VWA3B: variants seen among roughly 807,000 people sequenced by gnomAD.
The protein encoded by VWA3B is von Willebrand factor A domain-containing protein 3B.
Under a neutral mutation model 158.3 loss-of-function variants are expected in VWA3B, and 138 were observed. The ratio of observed to expected loss-of-function variants is 0.87; its 90% CI spans 0.76 to 1.00. VWA3B has a LOEUF of 1.00. Among genes scored for constraint, VWA3B ranks in the 50% least tolerant of loss-of-function variants. VWA3B has a pLI of 0.00. For synonymous variants in VWA3B, 596 were observed against 587.3 expected, an observed-to-expected ratio of 1.01 and a Z score of -0.21; for missense variants, 1,555 against 1,565.1, an observed-to-expected ratio of 0.99 and a Z score of 0.11.
At chr2:98,209,259 A>C (rs1369425387) in intron 12 of VWA3B, among the ~76,000 whole-genome samples, 1 of 151,932 alleles carries the variant, frequency 6.6e-6, no homozygotes, top group Non-Finnish European at 1.5e-5. Context: ...CTGTATCTTT[A>C]ACCAAATTTG....
chr2:98,238,160 A>G (rs1248701270), intron 19 of VWA3B, among the ~76,000 whole-genome samples: 2 of 152,234 alleles, frequency 1.3e-5, no homozygotes, highest in Non-Finnish European at 1.5e-5. Context: ...ATTATCACCC[A>G]TGGAGGCTCA....
intron 2 of VWA3B, among the ~76,000 whole-genome samples, chr2:98,101,970 A>G (rs1683107106): frequency 6.6e-6 from 1 of 152,092 alleles, no homozygotes; most frequent in Non-Finnish European, 1.5e-5. Context: ...AGGTCAGCAG[A>G]TAAACACGTG....
intron 19 of VWA3B, among the ~76,000 whole-genome samples, chr2:98,245,158 C>T (rs1218519328): frequency 6.6e-6 from 1 of 152,048 alleles, no homozygotes; most frequent in African/African-American, 2.4e-5. Context: ...AGAAGAGTCC[C>T]TCGTTAGCCA....
chr2:98,157,606 G>A (rs938213904), intron 7 of VWA3B, among the ~76,000 whole-genome samples: 4 of 152,200 alleles, frequency 2.6e-5, no homozygotes, highest in East Asian at 1.9e-4. Flanking sequence ...ATGTTATATC[G>A]CTTTCTGAAA....
At chr2:98,241,549 G>A (rs1289594039) in intron 19 of VWA3B, among the ~76,000 whole-genome samples, 4 of 151,824 alleles carry the variant, frequency 2.6e-5, no homozygotes, top group African/African-American at 9.7e-5. Flanking sequence ...TCAAGTCAAC[G>A]ATGTGGGGCT....
At chr2:98,196,172 C>G (rs541766457) in intron 12 of VWA3B, among the ~76,000 whole-genome samples, 2 of 152,214 alleles carry the variant, frequency 1.3e-5, no homozygotes, top group South Asian at 4.2e-4. Context: ...TTCAGTTAGA[C>G]AGGAGGAATA....
chr2:98,237,412 T>G (rs1685776032), intron 19 of VWA3B, among the ~76,000 whole-genome samples: 2 of 152,120 alleles, frequency 1.3e-5, no homozygotes, highest in Admixed American at 1.3e-4. Context: ...AGTGGCATCT[T>G]TTGTAGCTAA....
At chr2:98,115,411 T>G (rs531438115) in intron 2 of VWA3B, among the ~76,000 whole-genome samples, 4 of 152,158 alleles carry the variant, frequency 2.6e-5, no homozygotes, top group African/African-American at 9.7e-5. Context: ...ACCTGCACAT[T>G]GTGCACATGT....
chr2:98,172,271 C>T (rs1489292127), intron 8 of VWA3B, among the ~76,000 whole-genome samples: 1 of 152,198 alleles, frequency 6.6e-6, no homozygotes, highest in African/African-American at 2.4e-5. Flanking sequence ...TGATGGTTTT[C>T]CCCTGGAGTC....
At chr2:98,180,532 G>A (rs779625732) in intron 8 of VWA3B, among the ~76,000 whole-genome samples, 7 of 152,214 alleles carry the variant, frequency 4.6e-5, no homozygotes, top group Non-Finnish European at 7.3e-5. Context: ...GTTTACCTAG[G>A]AAGGCCAAGC....
At chr2:98,164,537 C>CT (rs1307644891) in intron 8 of VWA3B, among the ~76,000 whole-genome samples, 1 of 152,158 alleles carries the variant, frequency 6.6e-6, no homozygotes, top group Non-Finnish European at 1.5e-5. Context: ...GGTGAGGAAA[C>CT]TGAATTACAG....
At chr2:98,138,713 C>T (rs571969396) in intron 7 of VWA3B, among the ~76,000 whole-genome samples, 64 of 152,198 alleles carry the variant, frequency 4.2e-4, no homozygotes, top group Non-Finnish European at 6.3e-4. Context: ...CTCCCAGGCC[C>T]TTGGTGCAGC....
chr2:98,300,832 C>T (rs746116437), intron 25 of VWA3B, among the ~76,000 whole-genome samples: 3 of 152,124 alleles, frequency 2.0e-5, no homozygotes, highest in Non-Finnish European at 4.4e-5. Flanking sequence ...TTTCCCCAAG[C>T]GCCTCCTTCT....
intron 7 of VWA3B, among the ~76,000 whole-genome samples, chr2:98,144,614 T>G (rs80132172): frequency 0.087 from 13,241 of 151,798 alleles, 764 homozygotes; most frequent in East Asian, 0.16. Context: ...TGGCCCAGGC[T>G]GTAGTGCAGT....
Position 98,234,883 on chromosome 2 carries a change from G to T in VWA3B, c.2428+116G>T. ...ATCATATTTTAAATGGGCCCAGATT[G>T]CTTCCTATTCAAAGGAATCCCTTGT... On this transcript the variant is annotated intron_variant, in intron 17 of 27. Coordinates refer to ENST00000477737, the MANE Select transcript of VWA3B (RefSeq NM_144992.5). The T allele has an allele frequency of 4.2e-6, 6 of 1,436,936 alleles. No homozygotes were observed. The South Asian group carries it at 5.6e-5, about 13-fold the overall frequency. 89.0% of individuals were successfully genotyped at this position (1,436,936 alleles called of 1,614,324 possible).
chr2:98,088,028 A>G (rs1681989082), intron 1 of VWA3B, among the ~76,000 whole-genome samples: 1 of 152,230 alleles, frequency 6.6e-6, no homozygotes, highest in South Asian at 2.1e-4. Flanking sequence ...CTCTGTCCAC[A>G]TTATTTGAGC....
Position 98,312,284 on chromosome 2 carries a change from CT to C in VWA3B, c.3821del (p.Leu1274ArgfsTer14), listed in dbSNP as rs1482926855. The C allele has an allele frequency of 1.9e-6, 3 of 1,614,022 alleles. No individual in the cohort carries two copies. The highest frequency in any genetic ancestry group is 1.3e-5 in the African/African-American group (1 of 74,922). ...TGCCACACCTCCACCTCGAGCAGCC[CT>C]GCCCTGTACTCTCCAAGCCACCCAC... ...IIATPPPRAALPCTLQATHSS... is the reference protein window; with the variant it reads ...IIATPPPRAAXPCTLQATHSS... On this transcript the variant is annotated frameshift_variant, in exon 28 of 28. Coordinates refer to ENST00000477737, the MANE Select transcript of VWA3B (RefSeq NM_144992.5). LOFTEE classifies it low-confidence loss of function (END_TRUNC).
intron 21 of VWA3B, among the ~76,000 whole-genome samples, chr2:98,257,521 A>G (rs1687231683): frequency 6.6e-6 from 1 of 151,710 alleles, no homozygotes; most frequent in African/African-American, 2.4e-5. Context: ...TCATTGCTCC[A>G]CATCCTCATG....
intron 2 of VWA3B, among the ~76,000 whole-genome samples, chr2:98,102,767 A>T (rs541229993): frequency 7.9e-5 from 12 of 152,160 alleles, no homozygotes; most frequent in African/African-American, 2.9e-4. Flanking sequence ...CTCCTCCTCT[A>T]TGCTTTGATG....
Sources: gnomAD v4.1 joint callset for allele counts (sites outside exome capture counted in the v4.1 genomes callset) on GRCh38, gnomAD v4.1.1 for gene constraint, MANE v1.5 for transcripts, NCBI Gene and HGNC (gene_info 2026-07-23, HGNC 2026-07-21) for gene names.